CXADR: variants seen among roughly 807,000 people sequenced by gnomAD.
CXADR encodes the protein CXADR cell adhesion molecule.
CXADR carries 20 observed loss-of-function variants against 40.3 expected under a neutral mutation model. The observed-to-expected ratio is 0.50, with a 90% CI of 0.35 to 0.72. The LOEUF is 0.72. Among genes scored for constraint, CXADR ranks in the 30% least tolerant of loss-of-function variants. The pLI, the probability that CXADR is intolerant of heterozygous loss-of-function variation, is 0.01. For synonymous variants in CXADR, 150 were observed against 161.3 expected (o/e 0.93, Z 0.53); for missense variants, 332 against 449.1 (o/e 0.74, Z 2.36).
chr21:17,552,180 A>G (rs2033572956), intron 3 of CXADR, among the ~76,000 whole-genome samples: 1 of 152,244 alleles, frequency 6.6e-6, no homozygotes, highest in Admixed American at 6.5e-5. Context: ...TAAGAGTTTG[A>G]AAATAAGTGA....
At chr21:17,528,983 G>A (rs562920456) in intron 1 of CXADR, among the ~76,000 whole-genome samples, 10 of 151,476 alleles carry the variant, frequency 6.6e-5, no homozygotes, top group African/African-American at 2.4e-4. Flanking sequence ...ATGCACAGCT[G>A]TGTGGCTTGG....
At chr21:17,598,924 G>T in the CXADR span, 1 of 895,834 alleles carries the variant, frequency 1.1e-6, no homozygotes, top group Non-Finnish European at 1.7e-6. Flanking sequence ...TCAATACAAG[G>T]CAAAGATTGA....
the CXADR span, among the ~76,000 whole-genome samples, chr21:17,617,840 T>A: frequency 1.3e-5 from 2 of 152,156 alleles, no homozygotes; most frequent in Non-Finnish European, 2.9e-5. Context: ...TAAAGTTTGC[T>A]CCATTGATTG....
the CXADR span, among the ~76,000 whole-genome samples, chr21:17,599,885 G>T: frequency 6.6e-6 from 1 of 152,104 alleles, no homozygotes; most frequent in Non-Finnish European, 1.5e-5. Flanking sequence ...AAAAAAGGGG[G>T]CCTGTTATTT....
downstream of CXADR, among the ~76,000 whole-genome samples, chr21:17,595,857 T>C (rs2061497747): frequency 6.6e-6 from 1 of 152,046 alleles, no homozygotes; most frequent in African/African-American, 2.4e-5. Flanking sequence ...CGTTAAAAAG[T>C]TCCAGTTTTC....
the CXADR span, among the ~76,000 whole-genome samples, chr21:17,600,171 G>C: frequency 6.6e-6 from 1 of 152,054 alleles, no homozygotes; most frequent in South Asian, 2.1e-4. Flanking sequence ...TAGGAAAATA[G>C]TGTAATAAAC....
chr21:17,514,888 T>G (rs1569064028), intron 1 of CXADR, among the ~76,000 whole-genome samples: 1 of 151,948 alleles, frequency 6.6e-6, no homozygotes. Flanking sequence ...CCTCCCAGAG[T>G]CCTGGGATTA....
At chr21:17,629,971 CTA>C in the CXADR span, among the ~76,000 whole-genome samples, 3 of 152,152 alleles carry the variant, frequency 2.0e-5, no homozygotes, top group African/African-American at 7.2e-5. Flanking sequence ...GGCTATCAAG[CTA>C]TCTGAGCATT....
chr21:17,592,818 A>G (rs533441445), intron 7 of CXADR, among the ~76,000 whole-genome samples: 2 of 152,072 alleles, frequency 1.3e-5, no homozygotes, highest in South Asian at 2.1e-4. Flanking sequence ...TATTAAAGCT[A>G]GAAAAGTCTC....
intron 3 of CXADR, among the ~76,000 whole-genome samples, chr21:17,554,290 TA>T (rs1436768471): frequency 1.0e-5 from 1 of 98,930 alleles, no homozygotes; most frequent in Admixed American, 1.1e-4. Context: ...AGTTGGGTGG[TA>T]GGGGATGGCA....
chr21:17,609,929 T>G, the CXADR span, among the ~76,000 whole-genome samples: 1 of 152,204 alleles, frequency 6.6e-6, no homozygotes, highest in Non-Finnish European at 1.5e-5. Context: ...ACAATCTATA[T>G]GTTTACCAAT....
At chr21:17,624,778 G>A in the CXADR span, among the ~76,000 whole-genome samples, 1,709 of 152,166 alleles carry the variant, frequency 0.011, 31 homozygotes, top group African/African-American at 0.039. Flanking sequence ...TCTTAGCCAC[G>A]CATGCTTCCA....
intron 1 of CXADR, among the ~76,000 whole-genome samples, chr21:17,530,852 T>A (rs1241225740): frequency 6.6e-6 from 1 of 152,148 alleles, no homozygotes; most frequent in African/African-American, 2.4e-5. Context: ...GACATTATCC[T>A]ACATGTGTTT....
chr21:17,542,037 CA>C, intron 1 of CXADR: 1 of 359,622 alleles, frequency 2.8e-6, no homozygotes, highest in South Asian at 2.3e-5. Flanking sequence ...CTGTTTTTGC[CA>C]AATGGTGATT....
At chr21:17,562,965 C>T (rs78193406) in intron 6 of CXADR, among the ~76,000 whole-genome samples, 2,089 of 152,296 alleles carry the variant, frequency 0.014, 46 homozygotes, top group African/African-American at 0.046. Flanking sequence ...ATCCTCTATC[C>T]AGACCACTAA....
intron 3 of CXADR, among the ~76,000 whole-genome samples, chr21:17,557,465 A>C (rs936854060): frequency 6.6e-6 from 1 of 152,198 alleles, no homozygotes; most frequent in East Asian, 1.9e-4. Context: ...GCTCTTGTCC[A>C]GTGGCATTCC....
chr21:17,628,764 A>C, the CXADR span, among the ~76,000 whole-genome samples: 1 of 151,904 alleles, frequency 6.6e-6, no homozygotes, highest in Admixed American at 6.6e-5. Flanking sequence ...CGGCCTCCCA[A>C]AGTGTTGGGA....
At chr21:17,581,522 T>A (rs1027494150) in intron 7 of CXADR, among the ~76,000 whole-genome samples, 4 of 152,142 alleles carry the variant, frequency 2.6e-5, no homozygotes, top group African/African-American at 9.7e-5. Context: ...TTCAATTTGC[T>A]CAGTTGAGCA....
At chr21:17,631,274 C>T in the CXADR span, among the ~76,000 whole-genome samples, 1 of 152,124 alleles carries the variant, frequency 6.6e-6, no homozygotes, top group African/African-American at 2.4e-5. Context: ...TTTTACAGTT[C>T]GTTGCTTTTA....
Sources: allele counts gnomAD v4.1 joint callset (sites outside exome capture counted in the v4.1 genomes callset), GRCh38; gene constraint gnomAD v4.1.1; transcripts MANE v1.5; gene names NCBI Gene and HGNC (gene_info 2026-07-23, HGNC 2026-07-21).